The following PDE7A variants were observed in gnomAD, a reference collection of about 807,000 sequenced individuals.
PDE7A encodes the protein phosphodiesterase 7A, also known as high affinity 3',5'-cyclic-AMP phosphodiesterase 7A.
PDE7A carries 39 observed loss-of-function variants against 64.3 expected under a neutral mutation model. The ratio of observed to expected loss-of-function variants is 0.61; its 90% confidence interval spans 0.47 to 0.79. The LOEUF (loss-of-function observed/expected upper bound fraction) is 0.79, where lower values mean the gene tolerates loss of function less well. PDE7A is among the 30% of genes least tolerant of loss of function. The pLI, the probability that PDE7A is intolerant of heterozygous loss-of-function variation, is 0.00. For missense variants in PDE7A, 470 were observed against 582.8 expected (o/e 0.81, Z 1.99); for synonymous variants, 203 against 206.8 (o/e 0.98, Z 0.16).
intron 1 of PDE7A, among the ~76,000 whole-genome samples, chr8:65,815,934 A>C (rs1353646327): frequency 1.3e-5 from 2 of 152,242 alleles, no homozygotes; most frequent in East Asian, 3.8e-4. Flanking sequence ...AACACACTAT[A>C]ACAAATTCAG....
At chr8:65,777,077 C>CTTTTTTTT in intron 3 of PDE7A, among the ~76,000 whole-genome samples, 1 of 90,456 alleles carries the variant, frequency 1.1e-5, no homozygotes, top group Non-Finnish European at 2.1e-5. Context: ...TTATCAAATG[C>CTTTTTTTT]TTTTTTTTTT....
intron 1 of PDE7A, among the ~76,000 whole-genome samples, chr8:65,813,856 A>G (rs1011559565): frequency 2.0e-5 from 3 of 152,108 alleles, no homozygotes; most frequent in Non-Finnish European, 4.4e-5. Context: ...TATATCATCA[A>G]CCTTGATAAT....
chr8:65,743,578 G>T (rs1223408802), intron 5 of PDE7A, among the ~76,000 whole-genome samples: 3 of 152,128 alleles, frequency 2.0e-5, no homozygotes, highest in African/African-American at 7.2e-5. Flanking sequence ...ATAGACAAAG[G>T]TATTTCCACT....
At chr8:65,807,410 T>C (rs1466065894) in intron 1 of PDE7A, among the ~76,000 whole-genome samples, 2 of 152,222 alleles carry the variant, frequency 1.3e-5, no homozygotes, top group Non-Finnish European at 2.9e-5. Context: ...ACTCATTTAT[T>C]AGTGCTAAAA....
At chr8:65,808,619 T>C (rs1213751095) in intron 1 of PDE7A, among the ~76,000 whole-genome samples, 2 of 152,222 alleles carry the variant, frequency 1.3e-5, no homozygotes, top group Non-Finnish European at 2.9e-5. Context: ...ATGATTCTTA[T>C]TATTTTTGCA....
At position 65,747,819 on chromosome 8, in the gene PDE7A, T is replaced by G. The variant is rs1427773900; in HGVS notation, c.284-16A>C. On this transcript the variant is annotated splice_polypyrimidine_tract_variant and intron_variant, in intron 3 of 12. Transcript: ENST00000401827. The stretch of plus-strand genomic sequence containing the variant: ...TCAGATTGAGCTGAAATAAAAAGAA[T>G]AAAAGGTAAGTATAGCAAGTTAAAA... The G allele has an allele frequency of 1.3e-6, 2 of 1,583,290 alleles. No homozygotes were observed. The highest frequency in any genetic ancestry group is 1.7e-6 in the Non-Finnish European group (2 of 1,158,418).
chr8:65,835,343 A>C (rs1043232191), intron 1 of PDE7A, among the ~76,000 whole-genome samples: 1 of 152,264 alleles, frequency 6.6e-6, no homozygotes, highest in African/African-American at 2.4e-5. Flanking sequence ...CCATAAAGTC[A>C]AACAAAGAAA....
chr8:65,753,907 T>G (rs34042475), intron 3 of PDE7A, among the ~76,000 whole-genome samples: 45,856 of 151,964 alleles, frequency 0.3, 9,170 homozygotes, highest in Non-Finnish European at 0.45. Flanking sequence ...AAACTTAAAG[T>G]GTATACTGTC....
At chr8:65,811,182 T>A (rs575672261) in intron 1 of PDE7A, among the ~76,000 whole-genome samples, 2 of 151,894 alleles carry the variant, frequency 1.3e-5, no homozygotes, top group Admixed American at 1.3e-4. Flanking sequence ...ACCAGTCAGG[T>A]TCCCAGCAGA....
intron 7 of PDE7A, among the ~76,000 whole-genome samples, chr8:65,733,675 C>T (rs2128896774): frequency 6.6e-6 from 1 of 152,218 alleles, no homozygotes; most frequent in East Asian, 1.9e-4. Flanking sequence ...AAACCGTACA[C>T]ATAAAATGTA....
Position 65,795,413 on chromosome 8 carries a change from G to A in PDE7A, c.139-12570C>T, listed in dbSNP as rs1393334779. Among the ~76,000 whole-genome samples, 3 of 152,332 alleles carry A rather than the reference G, an allele frequency of 2.0e-5. No individual in the cohort carries two copies. In the East Asian group the frequency reaches 5.8e-4, roughly 29 times the overall value. The stretch of plus-strand genomic sequence containing the variant: ...ATGCCAGAGAGGAGGGAGCTGTGAG[G>A]ACAAGGAGCTCCAGAAGTCTGATGG... On this transcript the variant is annotated intron_variant, in intron 1 of 12. Transcript: ENST00000401827.
chr8:65,807,676 C>T (rs553512920), intron 1 of PDE7A, among the ~76,000 whole-genome samples: 15 of 152,066 alleles, frequency 9.9e-5, no homozygotes, highest in Non-Finnish European at 1.6e-4. Flanking sequence ...TTGTAGATGC[C>T]CTTTATCAGG....
intron 7 of PDE7A, among the ~76,000 whole-genome samples, chr8:65,732,148 G>A (rs1249045841): frequency 6.6e-6 from 1 of 151,918 alleles, no homozygotes; most frequent in Non-Finnish European, 1.5e-5. Context: ...ACAGGCACCC[G>A]CCACCATGCC....
chr8:65,836,202 C>T (rs1810946886), intron 1 of PDE7A, among the ~76,000 whole-genome samples: 1 of 152,184 alleles, frequency 6.6e-6, no homozygotes, highest in Admixed American at 6.5e-5. Context: ...AAAGAGGCAA[C>T]TATTATGCTA....
At chr8:65,798,302 C>T (rs188078489) in intron 1 of PDE7A, among the ~76,000 whole-genome samples, 123 of 150,258 alleles carry the variant, frequency 8.2e-4, no homozygotes, top group Middle Eastern at 3.4e-3. Flanking sequence ...CTCTACCTCT[C>T]GGGTTCAAGC....
chr8:65,727,116 A>G (rs1161088093), intron 8 of PDE7A, 54 bp downstream of exon 8: 5 of 1,190,242 alleles, frequency 4.2e-6, no homozygotes, highest in Non-Finnish European at 6.1e-6. Context: ...TCAAAATATG[A>G]AAGATTTTCT....
intron 3 of PDE7A, among the ~76,000 whole-genome samples, chr8:65,762,681 TATGA>T (rs1808566170): frequency 6.6e-6 from 1 of 152,236 alleles, no homozygotes; most frequent in African/African-American, 2.4e-5. Flanking sequence ...TGGTCATTAT[TATGA>T]ATATCAAATA....
intron 1 of PDE7A, among the ~76,000 whole-genome samples, chr8:65,790,097 A>T (rs1042745914): frequency 1.3e-5 from 2 of 152,192 alleles, no homozygotes; most frequent in Non-Finnish European, 2.9e-5. Context: ...CAGAAGACAG[A>T]TTGTGCAGAC....
chr8:65,826,568 G>A (rs1159188759), intron 1 of PDE7A, among the ~76,000 whole-genome samples: 1 of 152,130 alleles, frequency 6.6e-6, no homozygotes, highest in Non-Finnish European at 1.5e-5. Context: ...TTTCTACTGA[G>A]TCAAACCCCA....
Sources: gnomAD v4.1 joint callset for allele counts (sites outside exome capture counted in the v4.1 genomes callset) on GRCh38, gnomAD v4.1.1 for gene constraint, MANE v1.5 for transcripts, NCBI Gene and HGNC (gene_info 2026-07-23, HGNC 2026-07-21) for gene names.